The following ACMSD variants were observed in gnomAD, a reference collection of about 807,000 sequenced individuals.
The protein encoded by ACMSD is aminocarboxymuconate semialdehyde decarboxylase, also known as 2-amino-3-carboxymuconate-6-semialdehyde decarboxylase.
ACMSD carries 37 observed loss-of-function variants against 45.9 expected under a neutral mutation model. That is an observed-to-expected ratio of 0.81 (90% CI 0.62 to 1.06). The LOEUF (loss-of-function observed/expected upper bound fraction) is 1.06, where lower values mean the gene tolerates loss of function less well. Among genes scored for constraint, ACMSD ranks in the 50% least tolerant of loss-of-function variants. The pLI, the probability that ACMSD is intolerant of heterozygous loss-of-function variation, is 0.00. For missense variants in ACMSD, 434 were observed against 420.9 expected (o/e 1.03, Z -0.27); for synonymous variants, 138 against 148.8 (o/e 0.93, Z 0.53).
intron 9 of ACMSD, 139 bp from the exon 10 acceptor site, chr2:134,901,659 G>C (rs1690508299): frequency 4.2e-6 from 2 of 476,688 alleles, no homozygotes; most frequent in African/African-American, 4.0e-5. Context: ...GAGGATTTTG[G>C]TAAGAGATTC....
intron 2 of ACMSD, among the ~76,000 whole-genome samples, chr2:134,848,470 T>C (rs1302379856): frequency 1.3e-5 from 2 of 152,222 alleles, no homozygotes; most frequent in African/African-American, 4.8e-5. Context: ...ATGATAGCCA[T>C]TCTAACTGGC....
At chr2:134,890,458 A>G (rs759719514) in intron 8 of ACMSD, among the ~76,000 whole-genome samples, 3 of 151,370 alleles carry the variant, frequency 2.0e-5, no homozygotes, top group Middle Eastern at 3.2e-3. Context: ...ACTAAATTTA[A>G]TATGTGATCA....
intron 2 of ACMSD, among the ~76,000 whole-genome samples, chr2:134,848,608 C>T (rs1000136199): frequency 2.0e-5 from 3 of 152,140 alleles, no homozygotes; most frequent in African/African-American, 7.2e-5. Flanking sequence ...ATCCTTCGCC[C>T]ACTTTTTGAT....
At chr2:134,863,722 AC>A in intron 5 of ACMSD, 91 bp downstream of exon 5, 1 of 1,322,530 alleles carries the variant, frequency 7.6e-7, no homozygotes, top group Non-Finnish European at 1.1e-6. Context: ...GTGAAGCGTC[AC>A]CCCACTGGGA....
At chr2:134,860,211 C>T (rs374448749) in intron 3 of ACMSD, among the ~76,000 whole-genome samples, 1 of 152,122 alleles carries the variant, frequency 6.6e-6, no homozygotes, top group Admixed American at 6.6e-5. Context: ...TGCAGTGAGC[C>T]GACATTGCAC....
At chr2:134,867,164 C>G (rs957196082) in intron 5 of ACMSD, among the ~76,000 whole-genome samples, 1 of 152,224 alleles carries the variant, frequency 6.6e-6, no homozygotes, top group African/African-American at 2.4e-5. Context: ...ACAATCTCAG[C>G]AGTCCTTCCA....
intron 6 of ACMSD, among the ~76,000 whole-genome samples, chr2:134,869,464 T>TGGCCTC (rs1688310817): frequency 6.6e-6 from 1 of 151,938 alleles, no homozygotes; most frequent in African/African-American, 2.4e-5. Context: ...CTGCCCACCT[T>TGGCCTC]GGCCTCCCAA....
intron 2 of ACMSD, among the ~76,000 whole-genome samples, chr2:134,854,164 C>T (rs1020797583): frequency 6.6e-6 from 1 of 152,196 alleles, no homozygotes; most frequent in African/African-American, 2.4e-5. Context: ...CACAGAAACC[C>T]AATTTCCTCC....
At chr2:134,843,190 G>A (rs1320142791) in intron 1 of ACMSD, among the ~76,000 whole-genome samples, 3 of 152,120 alleles carry the variant, frequency 2.0e-5, no homozygotes, top group African/African-American at 7.2e-5. Flanking sequence ...GAAGGAAAAA[G>A]TACCAGGGCA....
At chr2:134,839,683 T>A (rs2104800440) in intron 1 of ACMSD, among the ~76,000 whole-genome samples, 1 of 152,342 alleles carries the variant, frequency 6.6e-6, no homozygotes, top group African/African-American at 2.4e-5. Flanking sequence ...AAGTATTTCT[T>A]TGTCCATTGG....
chr2:134,890,852 T>TA (rs920827566), intron 8 of ACMSD, among the ~76,000 whole-genome samples: 4 of 151,214 alleles, frequency 2.6e-5, no homozygotes, highest in African/African-American at 7.3e-5. Flanking sequence ...TCTGCCAAAA[T>TA]AAAAAAAAAT....
At chr2:134,865,609 G>A (rs1688060699) in intron 5 of ACMSD, among the ~76,000 whole-genome samples, 1 of 152,156 alleles carries the variant, frequency 6.6e-6, no homozygotes, top group Admixed American at 6.5e-5. Context: ...TGTTTGGTTA[G>A]CAAGGTTTGC....
At chr2:134,855,039 C>CTT (rs5834430) in intron 2 of ACMSD, among the ~76,000 whole-genome samples, 68 of 150,536 alleles carry the variant, frequency 4.5e-4, no homozygotes, top group African/African-American at 1.1e-3. Flanking sequence ...TGTTTCTCAA[C>CTT]TTTTTTTTTT....
At chr2:134,882,959 G>T (rs994861545) in intron 8 of ACMSD, among the ~76,000 whole-genome samples, 4 of 152,192 alleles carry the variant, frequency 2.6e-5, no homozygotes, top group African/African-American at 9.7e-5. Context: ...CTCATAGGGA[G>T]ATGTGTGCAG....
At chr2:134,871,121 G>T in intron 7 of ACMSD, 61 bp downstream of exon 7, 2 of 1,406,400 alleles carry the variant, frequency 1.4e-6, no homozygotes, top group South Asian at 2.4e-5. Flanking sequence ...CAGATGGGGT[G>T]ACTGTAAGAA....
At chr2:134,840,744 CTTCT>C (rs1559035251) in intron 1 of ACMSD, among the ~76,000 whole-genome samples, 1 of 152,038 alleles carries the variant, frequency 6.6e-6, no homozygotes, top group East Asian at 1.9e-4. Context: ...CAGGTTTCTT[CTTCT>C]TTTTTTATTT....
chr2:134,899,433 A>G (rs562024987), intron 9 of ACMSD, among the ~76,000 whole-genome samples: 1 of 152,234 alleles, frequency 6.6e-6, no homozygotes, highest in African/African-American at 2.4e-5. Context: ...TTAAATATTT[A>G]CCCACTTCCT....
At chr2:134,890,282 T>C (rs1294945609) in intron 8 of ACMSD, among the ~76,000 whole-genome samples, 4 of 152,138 alleles carry the variant, frequency 2.6e-5, no homozygotes, top group Non-Finnish European at 5.9e-5. Flanking sequence ...GTAGTATTCC[T>C]ATCCCAAATG....
At chr2:134,854,104 C>T (rs987699745) in intron 2 of ACMSD, among the ~76,000 whole-genome samples, 5 of 152,168 alleles carry the variant, frequency 3.3e-5, no homozygotes, top group African/African-American at 4.8e-5. Context: ...TCTATTGCAG[C>T]TTTAAGATAC....
Sources: gnomAD v4.1 joint callset for allele counts (sites outside exome capture counted in the v4.1 genomes callset) on GRCh38, gnomAD v4.1.1 for gene constraint, MANE v1.5 for transcripts, NCBI Gene and HGNC (gene_info 2026-07-23, HGNC 2026-07-21) for gene names.